Variants in TLL1 observed in about 807,000 individuals in gnomAD.
TLL1 encodes tolloid like 1.
A neutral mutation model predicts 128.2 loss-of-function variants in TLL1; 49 were observed. The ratio of observed to expected loss-of-function variants is 0.38; its 90% confidence interval spans 0.30 to 0.48. The LOEUF (loss-of-function observed/expected upper bound fraction) is 0.48. Ranked by LOEUF, TLL1 falls within the 20% of genes least tolerant of loss-of-function variation. TLL1 has a pLI of 0.96. For synonymous variants in TLL1, 454 were observed against 418.8 expected (o/e 1.08, Z -1.03); for missense variants, 1,123 against 1,242.0 (o/e 0.90, Z 1.44).
intron 15 of TLL1, among the ~76,000 whole-genome samples, chr4:166,060,980 C>T (rs969019377): frequency 6.6e-6 from 1 of 152,154 alleles, no homozygotes; most frequent in Non-Finnish European, 1.5e-5. Flanking sequence ...TTTCTCCCAA[C>T]AACGTTTTTA....
At chr4:165,952,855 A>G (rs1353578810) in intron 1 of TLL1, among the ~76,000 whole-genome samples, 3 of 152,148 alleles carry the variant, frequency 2.0e-5, no homozygotes, top group Non-Finnish European at 2.9e-5. Flanking sequence ...TATAATGGAC[A>G]TAGCATCCCC....
chr4:166,048,109 G>A (rs879335188), intron 12 of TLL1, among the ~76,000 whole-genome samples: 23 of 151,898 alleles, frequency 1.5e-4, no homozygotes, highest in Non-Finnish European at 2.8e-4. Context: ...GGTGGTGGGC[G>A]CCCGTAATCC....
rs1489993176 is a variant in TLL1, at chr4:166,084,567, G to A, written c.2442+6537G>A. On this transcript the variant is annotated intron_variant, in intron 18 of 20. Coordinates refer to ENST00000061240, the MANE Select transcript of TLL1 (RefSeq NM_012464.5). ...TTTAGAATTGGTTTTTCAATATGGC[G>A]TGACATATGGGTCTAATGTTATTCT... is the stretch of plus-strand genomic sequence containing the variant. Among the ~76,000 whole-genome samples, 45 of 151,966 alleles carry A rather than the reference G, an allele frequency of 3.0e-4. 2 individuals are homozygous for A. The highest frequency in any genetic ancestry group is 4.1e-4 in the South Asian group (2 of 4,824).
intron 1 of TLL1, among the ~76,000 whole-genome samples, chr4:165,957,741 T>C (rs1734878440): frequency 6.6e-6 from 1 of 151,548 alleles, no homozygotes; most frequent in Non-Finnish European, 1.5e-5. Flanking sequence ...CTTTAAGTTT[T>C]AGGGTACATG....
intron 14 of TLL1, 66 bp downstream of exon 14, chr4:166,057,375 C>A: frequency 6.4e-7 from 1 of 1,572,124 alleles, no homozygotes; most frequent in Non-Finnish European, 8.6e-7. Context: ...TTCTCATTCT[C>A]TGTCTGTCTT....
At chr4:166,054,562 T>C (rs9999753) in intron 12 of TLL1, among the ~76,000 whole-genome samples, 25,687 of 83,132 alleles carry the variant, frequency 0.31, 3,616 homozygotes, top group African/African-American at 0.47. Flanking sequence ...CTATCCCTCC[T>C]CCCTCCCCCC....
At chr4:166,092,783 G>A (rs1741833643) in intron 19 of TLL1, among the ~76,000 whole-genome samples, 1 of 151,988 alleles carries the variant, frequency 6.6e-6, no homozygotes, top group African/African-American at 2.4e-5. Flanking sequence ...TTTACCCCTT[G>A]TAAGTGGGAT....
chr4:165,937,566 T>G (rs2110917112), intron 1 of TLL1, among the ~76,000 whole-genome samples: 1 of 152,318 alleles, frequency 6.6e-6, no homozygotes, highest in Admixed American at 6.5e-5. Context: ...TCATTTATTT[T>G]TATTCTGCAA....
In TLL1 at chr4:166,055,148, A is replaced by G. The variant is rs750375005; in HGVS notation, c.1597A>G (p.Ile533Val). 5 of 1,613,514 alleles carry G rather than the reference A, an allele frequency of 3.1e-6. No homozygotes were observed. The highest frequency in any genetic ancestry group is 4.2e-6 in the Non-Finnish European group (5 of 1,179,684). The change falls in exon 13 of 21, where the codon ATA becomes GTA. Residue 533 changes from isoleucine (I) to valine (V), a missense_variant. Around this residue, in one of 3 missense-constraint regions of TLL1, gnomAD observed 634 missense variants for 672.4 expected, o/e 0.94. Transcript: ENST00000061240. ...TGGAACCAGTGAAAATAGCCCTTTG[A>G]TAGGGCGTTTCTGTGGTTATGACAA... ...RDGTSENSPL[I>V]GRFCGYDKPE...
chr4:166,097,965 C>A (rs1402045895), intron 19 of TLL1, among the ~76,000 whole-genome samples: 1 of 152,090 alleles, frequency 6.6e-6, no homozygotes, highest in Non-Finnish European at 1.5e-5. Flanking sequence ...CCCTCCTAAC[C>A]ACCATGCTTG....
intron 11 of TLL1, 43 bp downstream of exon 11, chr4:166,042,186 C>G (rs1466165192): frequency 7.9e-7 from 1 of 1,259,518 alleles, no homozygotes; most frequent in Admixed American, 1.7e-5. Flanking sequence ...TCTTATATCT[C>G]AACAGAAATG....
At chr4:166,032,429 A>G (rs1005538509) in intron 9 of TLL1, among the ~76,000 whole-genome samples, 3 of 152,146 alleles carry the variant, frequency 2.0e-5, no homozygotes, top group Non-Finnish European at 4.4e-5. Context: ...ACTATAAGAT[A>G]GAAAAACATT....
intron 5 of TLL1, among the ~76,000 whole-genome samples, chr4:165,998,293 C>CT (rs780273937): frequency 7.9e-5 from 12 of 151,978 alleles, no homozygotes; most frequent in Non-Finnish European, 1.6e-4. Flanking sequence ...CCTTTTATAG[C>CT]TAAATAGATT....
intron 17 of TLL1, among the ~76,000 whole-genome samples, chr4:166,076,591 C>A (rs1741040291): frequency 6.6e-6 from 1 of 152,252 alleles, no homozygotes; most frequent in Non-Finnish European, 1.5e-5. Flanking sequence ...TCATCTTTTA[C>A]CTTCACTACG....
chr4:165,915,068 G>T (rs1314294900), intron 1 of TLL1, among the ~76,000 whole-genome samples: 1 of 151,924 alleles, frequency 6.6e-6, no homozygotes, highest in Admixed American at 6.6e-5. Flanking sequence ...CCGTGGAGTG[G>T]GTCTTTTTAT....
At chr4:166,062,250 T>C (rs1188684924) in intron 15 of TLL1, among the ~76,000 whole-genome samples, 1 of 152,200 alleles carries the variant, frequency 6.6e-6, no homozygotes, top group African/African-American at 2.4e-5. Context: ...TCCAATTCTG[T>C]GAAGAAAGTC....
At chr4:165,938,531 G>A (rs1250314156) in intron 1 of TLL1, among the ~76,000 whole-genome samples, 2 of 151,782 alleles carry the variant, frequency 1.3e-5, no homozygotes. Flanking sequence ...TGAATACTTG[G>A]TCTTCTGGAT....
At chr4:166,003,654 A>G in intron 6 of TLL1, 85 bp downstream of exon 6, 2 of 1,415,526 alleles carry the variant, frequency 1.4e-6, no homozygotes, top group Non-Finnish European at 2.0e-6. Context: ...CACTTTCCCA[A>G]AAATGTAAAC....
chr4:165,925,456 A>T (rs1733227890), intron 1 of TLL1, among the ~76,000 whole-genome samples: 1 of 152,196 alleles, frequency 6.6e-6, no homozygotes, highest in African/African-American at 2.4e-5. Flanking sequence ...ATTAGAAGTA[A>T]AACCTGAAGA....
Sources: allele counts gnomAD v4.1 joint callset (sites outside exome capture counted in the v4.1 genomes callset), GRCh38; gene constraint gnomAD v4.1.1; regional missense constraint gnomAD v4.1.1; transcripts MANE v1.5; gene names NCBI Gene and HGNC (gene_info 2026-07-23, HGNC 2026-07-21).